Variants in TAB2 observed in about 807,000 individuals in gnomAD.
The protein encoded by TAB2 is TGF-beta-activated kinase 1 and MAP3K7-binding protein 2.
TAB2 carries 3 observed loss-of-function variants against 65.0 expected under a neutral mutation model. The ratio of observed to expected loss-of-function variants is 0.05; its 90% CI spans 0.02 to 0.12. The LOEUF is 0.12. TAB2 is among the 10% of genes least tolerant of loss of function. TAB2 has a pLI of 1.00. For missense variants in TAB2, 623 were observed against 840.3 expected, an observed-to-expected ratio of 0.74 and a Z score of 3.20; for synonymous variants, 298 against 285.1, an observed-to-expected ratio of 1.05 and a Z score of -0.46.
chr6:149,297,421 A>G (rs1778894956), intron 1 of TAB2, among the ~76,000 whole-genome samples: 1 of 152,236 alleles, frequency 6.6e-6, no homozygotes, highest in African/African-American at 2.4e-5. Flanking sequence ...TGATTTGGGT[A>G]AGAAGAGGAA....
intron 1 of TAB2, among the ~76,000 whole-genome samples, chr6:149,220,170 C>G (rs497631): frequency 0.2 from 30,731 of 152,064 alleles, 3,257 homozygotes; most frequent in Middle Eastern, 0.25. Flanking sequence ...ATCTGTTACG[C>G]TGTCTTGGTT....
intron 1 of TAB2, among the ~76,000 whole-genome samples, chr6:149,274,208 G>A (rs946645997): frequency 7.2e-5 from 11 of 152,306 alleles, no homozygotes; most frequent in African/African-American, 2.6e-4. Flanking sequence ...ATGGCTGGGT[G>A]GTCTTGCCCT....
chr6:149,316,942 G>C (rs1779268860), upstream of TAB2, among the ~76,000 whole-genome samples: 1 of 151,808 alleles, frequency 6.6e-6, no homozygotes, highest in Non-Finnish European at 1.5e-5. Flanking sequence ...CCGGCGGTGC[G>C]ATCCGGCTCC....
intron 1 of TAB2, among the ~76,000 whole-genome samples, chr6:149,265,976 G>C (rs1778257006): frequency 6.6e-6 from 1 of 152,190 alleles, no homozygotes; most frequent in African/African-American, 2.4e-5. Context: ...TTTCCCCTCA[G>C]AGGTCCTGAG....
chr6:149,269,688 T>A (rs1342555168), intron 1 of TAB2, among the ~76,000 whole-genome samples: 1 of 152,234 alleles, frequency 6.6e-6, no homozygotes, highest in Non-Finnish European at 1.5e-5. Flanking sequence ...ATTCGTTTCA[T>A]AAGGTGAAAT....
In TAB2 at chr6:149,404,367, A is replaced by T. The variant is rs1270001326; in HGVS notation, c.1939+5183A>T. 3.9e-5 allele frequency among the ~76,000 whole-genome samples: 6 copies of T among 152,192 alleles called. No homozygotes were observed. The East Asian group carries it at 9.6e-4, about 24-fold the overall frequency. On this transcript the variant is annotated intron_variant, in intron 6 of 6. Coordinates refer to ENST00000637181, the MANE Select transcript of TAB2 (RefSeq NM_001292034.3). ...ATTATTAAAACATCCTTACTACCCA[A>T]ATTAGTCTACAGATTCAATGTAATC...
intron 1 of TAB2, among the ~76,000 whole-genome samples, chr6:149,295,917 G>C (rs1203371838): frequency 6.6e-6 from 1 of 152,026 alleles, no homozygotes; most frequent in Non-Finnish European, 1.5e-5. Context: ...GACTACAGGC[G>C]CATACTACTA....
At chr6:149,230,443 T>A (rs1423701353) in intron 1 of TAB2, among the ~76,000 whole-genome samples, 1 of 152,234 alleles carries the variant, frequency 6.6e-6, no homozygotes, top group Non-Finnish European at 1.5e-5. Flanking sequence ...AGTTTTCTAC[T>A]CCTGCATTCA....
intron 3 of TAB2, among the ~76,000 whole-genome samples, chr6:149,383,101 G>A (rs1026263232): frequency 2.6e-5 from 4 of 152,062 alleles, no homozygotes; most frequent in Non-Finnish European, 4.4e-5. Context: ...GTTGCAGTGA[G>A]CCGAGTTTGT....
chr6:149,357,815 T>C (rs1490622775), intron 1 of TAB2, among the ~76,000 whole-genome samples: 1 of 152,082 alleles, frequency 6.6e-6, no homozygotes, highest in Admixed American at 6.5e-5. Context: ...TTCTCCTGTC[T>C]CAGCCTCCCA....
chr6:149,363,022 A>AT (rs1202939818), intron 1 of TAB2, among the ~76,000 whole-genome samples: 3 of 152,180 alleles, frequency 2.0e-5, no homozygotes, highest in Non-Finnish European at 2.9e-5. Context: ...TTTAAATTAA[A>AT]ATTATACTTT....
rs542789779 is a variant in TAB2, at chr6:149,376,753, T to C, written c.103-1265T>C. ...CCTTTCTAGGGGAAAAGTTTGGTTT[T>C]ATATGTCTTTGATTCTTCCACAGGC... On this transcript the variant is annotated intron_variant, in intron 2 of 6. Transcript: ENST00000637181. Among the ~76,000 whole-genome samples, 6 of 152,360 alleles carry C rather than the reference T, an allele frequency of 3.9e-5. No individual in the cohort carries two copies. In the South Asian group the frequency reaches 1.0e-3, roughly 26 times the overall value.
intron 1 of TAB2, among the ~76,000 whole-genome samples, chr6:149,337,618 G>A (rs1234100464): frequency 6.6e-6 from 1 of 152,160 alleles, no homozygotes; most frequent in Non-Finnish European, 1.5e-5. Context: ...CACAATTGTA[G>A]ATAAACTGTT....
chr6:149,237,806 C>T (rs768371730), intron 1 of TAB2, among the ~76,000 whole-genome samples: 1 of 152,194 alleles, frequency 6.6e-6, no homozygotes, highest in Non-Finnish European at 1.5e-5. Flanking sequence ...AGCAATGATG[C>T]CTGTTCCCAG....
At chr6:149,295,661 T>C (rs1279571816) in intron 1 of TAB2, among the ~76,000 whole-genome samples, 1 of 152,264 alleles carries the variant, frequency 6.6e-6, no homozygotes, top group African/African-American at 2.4e-5. Flanking sequence ...ATCTGCTAAG[T>C]TCAAAACTTT....
At chr6:149,345,160 C>T (rs1369821085) in intron 1 of TAB2, among the ~76,000 whole-genome samples, 1 of 151,922 alleles carries the variant, frequency 6.6e-6, no homozygotes, top group Admixed American at 6.6e-5. Context: ...ATAAATAGTT[C>T]ACCTTGAGTT....
chr6:149,265,355 C>T (rs1314051651), intron 1 of TAB2, among the ~76,000 whole-genome samples: 1 of 152,182 alleles, frequency 6.6e-6, no homozygotes, highest in East Asian at 1.9e-4. Flanking sequence ...CGTAAGTCTA[C>T]ACCTTAGCTG....
intron 1 of TAB2, among the ~76,000 whole-genome samples, chr6:149,309,010 G>A (rs1779120065): frequency 8.4e-6 from 1 of 118,518 alleles, no homozygotes; most frequent in East Asian, 2.5e-4. Flanking sequence ...CCTGACCCAG[G>A]ATAGATAATA....
At chr6:149,363,243 C>A (rs912324283) in intron 1 of TAB2, among the ~76,000 whole-genome samples, 1 of 152,026 alleles carries the variant, frequency 6.6e-6, no homozygotes, top group Non-Finnish European at 1.5e-5. Context: ...GCACTGAGTT[C>A]TAAAGCTAAA....
Sources: gnomAD v4.1 joint callset for allele counts (sites outside exome capture counted in the v4.1 genomes callset) on GRCh38, gnomAD v4.1.1 for gene constraint, MANE v1.5 for transcripts, NCBI Gene and HGNC (gene_info 2026-07-23, HGNC 2026-07-21) for gene names.